CPE: variants seen among roughly 807,000 people sequenced by gnomAD.
The protein encoded by CPE is carboxypeptidase E, also known as carbocypeptidase E.
In CPE, 17 loss-of-function variants were observed where a neutral mutation model predicts 53.5. That is an observed-to-expected ratio of 0.32 (90% CI 0.22 to 0.48). CPE has a LOEUF of 0.48. Among genes scored for constraint, CPE ranks in the 20% least tolerant of loss-of-function variants. The pLI, the probability that CPE is intolerant of heterozygous loss-of-function variation, is 0.99. For missense variants in CPE, 524 were observed against 614.7 expected, an observed-to-expected ratio of 0.85 and a Z score of 1.56; for synonymous variants, 226 against 228.8, an observed-to-expected ratio of 0.99 and a Z score of 0.11.
In CPE at chr4:165,497,882, A is replaced by G. The variant is rs1732731113; in HGVS notation, c.*272A>G. On this transcript the variant is annotated 3_prime_UTR_variant, in exon 9 of 9. Transcript: ENST00000402744. ...AAGTAATTTTGCCATCCTAGGCTTA[A>G]ATGCAATATTCCTGGTATTATTTAC... The G allele has an allele frequency of 5.2e-6, 1 of 192,296 alleles. No individual in the cohort carries two copies. The highest frequency in any genetic ancestry group is 2.3e-5 in the African/African-American group (1 of 43,176). 11.9% of individuals were successfully genotyped at this position (192,296 alleles called of 1,614,324 possible). A position where few individuals can be genotyped will look rare whatever the true frequency, so the allele number is the denominator to read the frequency against.
At chr4:165,394,563 A>G (rs566782597) in intron 1 of CPE, among the ~76,000 whole-genome samples, 50 of 152,192 alleles carry the variant, frequency 3.3e-4, no homozygotes, top group Non-Finnish European at 6.2e-4. Context: ...AAATAACTAA[A>G]AATGGGTGAG....
intron 1 of CPE, among the ~76,000 whole-genome samples, chr4:165,456,694 G>A (rs907191130): frequency 6.7e-6 from 1 of 148,356 alleles, no homozygotes; most frequent in Non-Finnish European, 1.5e-5. Context: ...AGCCTCCCGA[G>A]TAGGAGTAGC....
intron 1 of CPE, among the ~76,000 whole-genome samples, chr4:165,430,261 C>T (rs999788342): frequency 1.8e-4 from 27 of 152,146 alleles, no homozygotes; most frequent in Admixed American, 1.0e-3. Flanking sequence ...CTTAGTCATA[C>T]ATACTACAGG....
intron 1 of CPE, among the ~76,000 whole-genome samples, chr4:165,425,701 A>T (rs1221173998): frequency 6.6e-6 from 1 of 152,106 alleles, no homozygotes; most frequent in African/African-American, 2.4e-5. Context: ...TCCTAGAAGA[A>T]GTTTTAGAAG....
intron 3 of CPE, among the ~76,000 whole-genome samples, chr4:165,471,615 G>T (rs1406901277): frequency 6.6e-6 from 1 of 152,164 alleles, no homozygotes; most frequent in African/African-American, 2.4e-5. Context: ...CAGATAAGAC[G>T]TTTTAAATGC....
chr4:165,391,682 G>C (rs933540249), intron 1 of CPE, among the ~76,000 whole-genome samples: 1 of 152,114 alleles, frequency 6.6e-6, no homozygotes, highest in African/African-American at 2.4e-5. Flanking sequence ...TATTATATTT[G>C]TAGCGCGAAT....
At chr4:165,439,356 G>C (rs997655384) in intron 1 of CPE, among the ~76,000 whole-genome samples, 2 of 152,128 alleles carry the variant, frequency 1.3e-5, no homozygotes, top group African/African-American at 4.8e-5. Flanking sequence ...GAAGAAGATG[G>C]TGGGGAGGGG....
At chr4:165,487,384 T>C (rs1732523863) in intron 5 of CPE, 54 bp from the exon 6 acceptor site, 1 of 1,606,996 alleles carries the variant, frequency 6.2e-7, no homozygotes, top group East Asian at 2.2e-5. Flanking sequence ...CTAGCCTGTG[T>C]AGAGTTTTAG....
rs55987493 is a variant in CPE, at chr4:165,396,670, CA to C, written c.307+17155del. 4.6e-3 allele frequency among the ~76,000 whole-genome samples: 621 copies of C among 133,574 alleles called. 2 individuals carry two copies. Among genetic ancestry groups the C allele is most frequent in the African/African-American group, 0.013 (460 of 36,754 alleles). The allele number at this position is 133,574 out of a possible 152,430, so 87.6% of individuals were successfully genotyped here. A position where few individuals can be genotyped will look rare whatever the true frequency, so the allele number is the denominator to read the frequency against. ...TGGGCAACAGAGCCAGATTCTGTCT[CA>C]AAAAAAAAAAAAGATAAGGGAGATT... On this transcript the variant is annotated intron_variant, in intron 1 of 8. Coordinates refer to ENST00000402744, the MANE Select transcript of CPE (RefSeq NM_001873.4).
chr4:165,444,628 G>A lies in CPE; in HGVS notation c.308-19762G>A, dbSNP rs578074517. ...AGCTATTGCTGCCCCAGCTTCTGCC[G>A]TTCTTCATATGCTTGTCAACTGCAC... On this transcript the variant is annotated intron_variant, in intron 1 of 8. Coordinates refer to ENST00000402744, the MANE Select transcript of CPE (RefSeq NM_001873.4). 1.5e-4 allele frequency among the ~76,000 whole-genome samples: 23 copies of A among 152,280 alleles called. No homozygotes were observed. The East Asian group carries it at 3.1e-3, about 20-fold the overall frequency.
chr4:165,379,505 A>T lies in CPE; in HGVS notation c.284A>T (p.Asp95Val). Residue 95 changes from aspartate to valine, a missense_variant, in exon 1 of 9, where the codon GAC (aspartate) becomes GTC (valine). Physicochemically the swap from Asp to Val is radical, Grantham distance 152. Transcript: ENST00000402744. This position sits in a 1 kb window ranked among gnomAD's most constrained non-coding sequence, Gnocchi z 6.0. ...GRELLVIELSDNPGVHEPGEP... is the reference protein window; with the variant it reads ...GRELLVIELSVNPGVHEPGEP... Reference sequence around the variant, plus strand: ...GAGCTCCTGGTCATCGAGCTGTCCGACAACCCTGGCGTCCATGAGCCTGGT... The same window carrying T: ...GAGCTCCTGGTCATCGAGCTGTCCGTCAACCCTGGCGTCCATGAGCCTGGT... 6.3e-7 allele frequency: 1 copy of T among 1,596,014 alleles called. No individual in the cohort carries two copies. Among genetic ancestry groups the T allele is most frequent in the African/African-American group, 1.3e-5 (1 of 74,650 alleles).
chr4:165,446,951 A>C (rs753231213), intron 1 of CPE, among the ~76,000 whole-genome samples: 13 of 152,236 alleles, frequency 8.5e-5, no homozygotes, highest in Non-Finnish European at 1.8e-4. Context: ...ACATCAGACT[A>C]TATGGTAGAG....
intron 1 of CPE, among the ~76,000 whole-genome samples, chr4:165,424,756 G>A (rs922144620): frequency 1.3e-4 from 20 of 151,786 alleles, no homozygotes; most frequent in Non-Finnish European, 2.4e-4. Context: ...GGATGGTCTC[G>A]ATCTCCTGAC....
chr4:165,424,756 G>T (rs922144620), intron 1 of CPE, among the ~76,000 whole-genome samples: 3 of 151,666 alleles, frequency 2.0e-5, no homozygotes, highest in Non-Finnish European at 4.4e-5. Context: ...GGATGGTCTC[G>T]ATCTCCTGAC....
chr4:165,422,178 G>T (rs1043672110), intron 1 of CPE, among the ~76,000 whole-genome samples: 43 of 152,100 alleles, frequency 2.8e-4, no homozygotes, highest in African/African-American at 1.0e-3. Flanking sequence ...AAATTCTCTG[G>T]AATAGATTTT....
intron 6 of CPE, among the ~76,000 whole-genome samples, chr4:165,490,366 G>T (rs919796435): frequency 1.1e-4 from 17 of 151,624 alleles, no homozygotes; most frequent in Non-Finnish European, 2.1e-4. Flanking sequence ...AGGCGTGGTG[G>T]CTCACGCCTG....
At chr4:165,398,158 C>T (rs1730803385) in intron 1 of CPE, among the ~76,000 whole-genome samples, 1 of 150,622 alleles carries the variant, frequency 6.6e-6, no homozygotes, top group Non-Finnish European at 1.5e-5. Context: ...TTGTTCTGGT[C>T]TCAATTAATT....
chr4:165,442,218 T>TTC (rs1277196211), intron 1 of CPE, among the ~76,000 whole-genome samples: 2 of 151,906 alleles, frequency 1.3e-5, no homozygotes, highest in Non-Finnish European at 2.9e-5. Flanking sequence ...AATTTTGTAA[T>TTC]TCTTTTGTAC....
rs6834133 is a variant in CPE at position 165,480,835 on chromosome 4, G to A, written c.673-1407G>A. Among the ~76,000 whole-genome samples, 914 of 151,866 alleles carry A rather than the reference G, an allele frequency of 6.0e-3. 9 individuals are homozygous for A. Among genetic ancestry groups the A allele is most frequent in the African/African-American group, 0.02 (836 of 41,420 alleles). ...AGCAAAAAAAGCAGTATATAAAATG[G>A]CATATAAATGATCACATTTAAAAAT... On this transcript the variant is annotated intron_variant, in intron 3 of 8. Transcript: ENST00000402744.
Sources: gnomAD v4.1 joint callset for allele counts (sites outside exome capture counted in the v4.1 genomes callset) on GRCh38, gnomAD v4.1.1 for gene constraint, Gnocchi (gnomAD v3.1) non-coding constraint, MANE v1.5 for transcripts, NCBI Gene and HGNC (gene_info 2026-07-23, HGNC 2026-07-21) for gene names.